CDK19: variants seen among roughly 807,000 people sequenced by gnomAD.
CDK19 encodes cyclin-dependent kinase 19.
A neutral mutation model predicts 68.3 loss-of-function variants in CDK19; 20 were observed. That is an observed-to-expected ratio of 0.29 (90% CI 0.21 to 0.43). The LOEUF is 0.43. Ranked by LOEUF, CDK19 falls within the 20% of genes least tolerant of loss-of-function variation. The pLI, the probability that CDK19 is intolerant of heterozygous loss-of-function variation, is 1.00. For missense variants in CDK19, 339 were observed against 623.5 expected (o/e 0.54, Z 4.86); for synonymous variants, 221 against 222.8 (o/e 0.99, Z 0.07).
chr6:110,732,118 G>C (rs9487501), intron 2 of CDK19, among the ~76,000 whole-genome samples: 2,098 of 142,508 alleles, frequency 0.015, 53 homozygotes, highest in African/African-American at 0.051. Flanking sequence ...CTAGCTAACA[G>C]AGAAATCATC....
intron 4 of CDK19, among the ~76,000 whole-genome samples, chr6:110,659,506 A>G (rs1261865262): frequency 6.6e-6 from 1 of 152,236 alleles, no homozygotes; most frequent in Admixed American, 6.5e-5. Flanking sequence ...ATGTTTTGCC[A>G]TTATTTAAAT....
intron 2 of CDK19, among the ~76,000 whole-genome samples, chr6:110,717,236 T>C (rs1458125857): frequency 2.0e-5 from 3 of 151,562 alleles, no homozygotes; most frequent in African/African-American, 4.8e-5. Context: ...ATCACATATA[T>C]AGATACATAT....
At chr6:110,645,231 T>C (rs779204876) in intron 4 of CDK19, among the ~76,000 whole-genome samples, 37 of 152,164 alleles carry the variant, frequency 2.4e-4, no homozygotes, top group Non-Finnish European at 4.4e-4. Flanking sequence ...TTTCAAGAAA[T>C]TTTTTATCAA....
At chr6:110,776,355 G>T (rs1293476573) in intron 1 of CDK19, among the ~76,000 whole-genome samples, 2 of 152,060 alleles carry the variant, frequency 1.3e-5, no homozygotes, top group African/African-American at 4.8e-5. Flanking sequence ...CTTGAACCTG[G>T]GAGGTGGAGG....
chr6:110,793,182 C>T (rs1486463929), intron 1 of CDK19, among the ~76,000 whole-genome samples: 1 of 152,066 alleles, frequency 6.6e-6, no homozygotes, highest in Non-Finnish European at 1.5e-5. Context: ...AGGGAATAAA[C>T]ATTATTCAAA....
At chr6:110,763,682 T>G (rs1345451642) in intron 1 of CDK19, among the ~76,000 whole-genome samples, 1 of 152,174 alleles carries the variant, frequency 6.6e-6, no homozygotes, top group African/African-American at 2.4e-5. Flanking sequence ...CCCAAAGTGC[T>G]GGGATTACTG....
intron 4 of CDK19, chr6:110,645,751 A>G (rs910133756): frequency 3.7e-6 from 2 of 533,782 alleles, no homozygotes; most frequent in African/African-American, 3.9e-5. Context: ...GTCCACGGTA[A>G]TGCATGGACA....
At chr6:110,763,425 T>TC (rs1405143514) in intron 1 of CDK19, among the ~76,000 whole-genome samples, 1 of 149,468 alleles carries the variant, frequency 6.7e-6, no homozygotes, top group Non-Finnish European at 1.5e-5. Context: ...TTTTTTTTTT[T>TC]TTTTTTTTTG....
rs926708463 is a variant in CDK19 at position 110,610,990 on chromosome 6, C to T, written c.*3545G>A. 9 of 152,070 alleles carry T rather than the reference C, an allele frequency of 5.9e-5. No homozygotes were observed. The highest frequency in any genetic ancestry group is 1.5e-4 in the African/African-American group (6 of 41,368). 9.4% of individuals were successfully genotyped at this position (152,070 alleles called of 1,614,324 possible). On this transcript the variant is annotated 3_prime_UTR_variant, in exon 13 of 13. Coordinates refer to ENST00000368911, the MANE Select transcript of CDK19 (RefSeq NM_015076.5). ...TCCATTCTTAAGAGTCCATTATGTT[C>T]GTAAGAGCAAAAGAGTAGTGCAGAA...
intron 1 of CDK19, among the ~76,000 whole-genome samples, chr6:110,779,863 T>C (rs1003469463): frequency 7.2e-5 from 11 of 152,080 alleles, no homozygotes; most frequent in African/African-American, 2.7e-4. Flanking sequence ...GGTGGGCAGA[T>C]TACTTGAGGT....
chr6:110,793,731 GCA>G (rs1407235724), intron 1 of CDK19, among the ~76,000 whole-genome samples: 1 of 152,130 alleles, frequency 6.6e-6, no homozygotes, highest in South Asian at 2.1e-4. Flanking sequence ...CATTTGGTTG[GCA>G]CAGTCTCTTT....
chr6:110,728,572 T>TAA (rs11378068), intron 2 of CDK19, among the ~76,000 whole-genome samples: 59 of 144,728 alleles, frequency 4.1e-4, no homozygotes, highest in Admixed American at 6.2e-4. Flanking sequence ...GTCAGAGTGG[T>TAA]AAAAAAAAAA....
intron 4 of CDK19, among the ~76,000 whole-genome samples, chr6:110,663,327 C>G (rs1453675388): frequency 6.6e-6 from 1 of 152,200 alleles, no homozygotes; most frequent in African/African-American, 2.4e-5. Flanking sequence ...CCATCATCCT[C>G]TTTTTAAGAC....
At position 110,614,286 on chromosome 6, in the gene CDK19, C is replaced by T. The variant is rs80057960; in HGVS notation, c.*249G>A. The T allele has an allele frequency of 1.7e-4, 62 of 354,336 alleles. No homozygotes were observed. The East Asian group carries it at 2.4e-3, about 14-fold the overall frequency. 21.9% of individuals were successfully genotyped at this position (354,336 alleles called of 1,614,324 possible). A position where few individuals can be genotyped will look rare whatever the true frequency, so the allele number is the denominator to read the frequency against. ...ACAGAAGTGCTGGGATTAGATCAGACGCTTTATCAGAGAAGTCACAATGGA... is the reference window on the plus strand; with the variant it reads ...ACAGAAGTGCTGGGATTAGATCAGATGCTTTATCAGAGAAGTCACAATGGA... On this transcript the variant is annotated 3_prime_UTR_variant, in exon 13 of 13. Transcript: ENST00000368911.
chr6:110,710,393 G>T (rs900655762), intron 2 of CDK19, among the ~76,000 whole-genome samples: 2 of 152,138 alleles, frequency 1.3e-5, no homozygotes, highest in Non-Finnish European at 2.9e-5. Context: ...AAAGGATCAG[G>T]AGCCAAACAC....
chr6:110,664,406 T>C (rs1422341402), intron 4 of CDK19, among the ~76,000 whole-genome samples: 2 of 152,204 alleles, frequency 1.3e-5, no homozygotes, highest in Non-Finnish European at 2.9e-5. Context: ...TTCTCTCTCA[T>C]CTATCTTATA....
intron 2 of CDK19, among the ~76,000 whole-genome samples, chr6:110,716,969 T>C (rs1775453977): frequency 6.6e-6 from 1 of 152,008 alleles, no homozygotes; most frequent in Non-Finnish European, 1.5e-5. Context: ...TCGTCTCTAC[T>C]AAAAATACAA....
At chr6:110,737,010 A>G (rs1274348394) in intron 2 of CDK19, among the ~76,000 whole-genome samples, 1 of 152,246 alleles carries the variant, frequency 6.6e-6, no homozygotes, top group African/African-American at 2.4e-5. Context: ...CTACTGATGT[A>G]CTCAGTAGGG....
chr6:110,798,391 G>A (rs1159818456), intron 1 of CDK19, among the ~76,000 whole-genome samples: 1 of 152,052 alleles, frequency 6.6e-6, no homozygotes, highest in Admixed American at 6.6e-5. Context: ...TTAGGAGGCC[G>A]AGGCAAGTGG....
Sources: allele counts gnomAD v4.1 joint callset (sites outside exome capture counted in the v4.1 genomes callset), GRCh38; gene constraint gnomAD v4.1.1; transcripts MANE v1.5; gene names NCBI Gene and HGNC (gene_info 2026-07-23, HGNC 2026-07-21).